PUDP: variants seen among roughly 807,000 people sequenced by gnomAD.
The protein encoded by PUDP is pseudouridine-5'-phosphatase.
PUDP carries 8 observed loss-of-function variants against 9.4 expected under a neutral mutation model. That is an observed-to-expected ratio of 0.85 (90% CI 0.50 to 1.53). The LOEUF is 1.53. Among genes scored for constraint, PUDP ranks in the 40% most tolerant of loss-of-function variants. PUDP has a pLI of 0.00. For missense variants in PUDP, 188 were observed against 189.7 expected (o/e 0.99, Z 0.05); for synonymous variants, 99 against 80.7 (o/e 1.23, Z -1.22).
chrX:6,863,698 TATAGCTTCTATAGGCGAGCTGAAATTGGC>T (rs1927037444), intron 3 of PUDP, among the ~76,000 whole-genome samples: 1 of 112,115 alleles, frequency 8.9e-6, no homozygotes, highest in Non-Finnish European at 1.9e-5. Flanking sequence ...CCAATTTGTG[TATAGCTTCTATAGGCGAGCTGAAATTGGC>T]ATACGGTCTA....
intron 3 of PUDP, among the ~76,000 whole-genome samples, chrX:6,908,086 A>G (rs1485105663): frequency 8.9e-6 from 1 of 112,293 alleles, no homozygotes; most frequent in Non-Finnish European, 1.9e-5. Flanking sequence ...CCACTAAATC[A>G]GGGCCACCCA....
intron 3 of PUDP, among the ~76,000 whole-genome samples, chrX:6,969,411 A>G (rs1168927821): frequency 8.9e-6 from 1 of 112,060 alleles, no homozygotes; most frequent in African/African-American, 3.2e-5. Flanking sequence ...ATGTTCCCAC[A>G]TCAGGCCCTG....
intron 3 of PUDP, among the ~76,000 whole-genome samples, chrX:6,738,030 T>C (rs1924893500): frequency 9.0e-6 from 1 of 111,261 alleles, no homozygotes; most frequent in South Asian, 3.9e-4. Flanking sequence ...ATGAACTGGA[T>C]ATGAAAAAAA....
At chrX:7,031,774 T>C (rs1431112003) in intron 1 of PUDP, among the ~76,000 whole-genome samples, 1 of 112,226 alleles carries the variant, frequency 8.9e-6, no homozygotes, top group African/African-American at 3.2e-5. Context: ...CCTTACCCCA[T>C]ACTCTGCACA....
Position 6,973,518 on chromosome X carries a change from TTGAG to T in PUDP, c.*247+3611_*247+3614del, listed in dbSNP as rs754056198. ...TTAGTTTCCATGTAGTTGTGCAGTT[TTGAG>T]TGAGTTTCTTAATCCTGAGTTGTAA... On this transcript the variant is annotated intron_variant and NMD_transcript_variant, in intron 3 of 3. Coordinates refer to the PUDP transcript ENST00000655425. 4.4e-5 allele frequency among the ~76,000 whole-genome samples: 5 copies of T among 112,406 alleles called. No individual in the cohort carries two copies. In the East Asian group the frequency reaches 1.4e-3, roughly 31 times the overall value.
chrX:6,814,630 G>C (rs1926197980), intron 3 of PUDP, among the ~76,000 whole-genome samples: 1 of 111,446 alleles, frequency 9.0e-6, no homozygotes, highest in Non-Finnish European at 1.9e-5. Context: ...GAGAAAGCTG[G>C]GATAAGAAAA....
intron 3 of PUDP, among the ~76,000 whole-genome samples, chrX:6,850,397 A>G (rs1329507281): frequency 8.9e-6 from 1 of 112,318 alleles, no homozygotes; most frequent in African/African-American, 3.2e-5. Flanking sequence ...GTTCCAGACA[A>G]CGTCCTAGGA....
Position 6,812,311 on chromosome X carries a change from G to C in PUDP, c.*248-105845C>G, listed in dbSNP as rs1478645734. On this transcript the variant is annotated intron_variant and NMD_transcript_variant, in intron 3 of 3. Coordinates refer to the PUDP transcript ENST00000655425. Reference sequence around the variant, plus strand: ...GCAAAACTCATCTTGCAAGGATGATGAATAGGAGTTTTGACAATTCTGTCA... The same window carrying C: ...GCAAAACTCATCTTGCAAGGATGATCAATAGGAGTTTTGACAATTCTGTCA... Among the ~76,000 whole-genome samples the C allele has an allele frequency of 3.6e-5, 4 of 112,043 alleles. No homozygotes were observed. The East Asian group carries it at 1.1e-3, about 32-fold the overall frequency.
chrX:6,999,578 T>C (rs1266990378), intron 1 of PUDP, among the ~76,000 whole-genome samples: 1 of 111,325 alleles, frequency 9.0e-6, no homozygotes, highest in Non-Finnish European at 1.9e-5. Flanking sequence ...TTTTTTCCCA[T>C]ATGCACTAGG....
intron 3 of PUDP, among the ~76,000 whole-genome samples, chrX:6,869,138 GT>G (rs1927134464): frequency 8.9e-6 from 1 of 111,810 alleles, no homozygotes; most frequent in Non-Finnish European, 1.9e-5. Context: ...AATATCTGGA[GT>G]TTACATTCCT....
chrX:6,989,040 G>T (rs1421528665), intron 1 of PUDP, among the ~76,000 whole-genome samples: 1 of 111,334 alleles, frequency 9.0e-6, no homozygotes, highest in Non-Finnish European at 1.9e-5. Context: ...ATATCAACTG[G>T]AATGTCGCTT....
At chrX:6,789,644 T>C (rs754565581) in intron 3 of PUDP, among the ~76,000 whole-genome samples, 1 of 110,008 alleles carries the variant, frequency 9.1e-6, no homozygotes, top group Admixed American at 9.7e-5. Context: ...AGAAAATAGG[T>C]AGGGCAGCAC....
At chrX:6,927,964 CTTT>C (rs34707742) in intron 3 of PUDP, among the ~76,000 whole-genome samples, 10 of 93,724 alleles carry the variant, frequency 1.1e-4, no homozygotes, top group Non-Finnish European at 6.4e-5. Context: ...GTGGTCTTCT[CTTT>C]TTTTTTTTTT....
At chrX:6,909,353 G>A (rs1982536330) in intron 3 of PUDP, among the ~76,000 whole-genome samples, 1 of 111,822 alleles carries the variant, frequency 8.9e-6, no homozygotes, top group Non-Finnish European at 1.9e-5. Context: ...GAGTATGGTA[G>A]CATTCATATG....
chrX:6,902,799 G>A (rs1927710513), intron 3 of PUDP, among the ~76,000 whole-genome samples: 1 of 111,821 alleles, frequency 8.9e-6, no homozygotes, highest in Non-Finnish European at 1.9e-5. Flanking sequence ...TCGCTCTCTG[G>A]AACTTCTAAG....
chrX:6,768,665 A>C (rs1488421106), intron 3 of PUDP, among the ~76,000 whole-genome samples: 2 of 112,339 alleles, frequency 1.8e-5, no homozygotes, highest in African/African-American at 6.5e-5. Flanking sequence ...AAAAATTGTA[A>C]GATCCAGAAT....
intron 2 of PUDP, among the ~76,000 whole-genome samples, chrX:6,706,024 G>A (rs909516753): frequency 1.8e-5 from 2 of 112,294 alleles, no homozygotes; most frequent in Non-Finnish European, 3.8e-5. Flanking sequence ...TGAACCTAGA[G>A]GACATCACAC....
intron 1 of PUDP, among the ~76,000 whole-genome samples, chrX:7,110,597 A>G (rs752336594): frequency 3.0e-4 from 34 of 112,114 alleles, no homozygotes; most frequent in Non-Finnish European, 5.1e-4. Context: ...AGAGACCACC[A>G]AACAGGCTTT....
At chrX:6,751,195 A>G (rs1925075859) in intron 3 of PUDP, among the ~76,000 whole-genome samples, 1 of 111,187 alleles carries the variant, frequency 9.0e-6, no homozygotes, top group Admixed American at 9.6e-5. Context: ...GAAAGAAAGA[A>G]AGAAAGAAAA....
Sources: gnomAD v4.1 joint callset for allele counts (sites outside exome capture counted in the v4.1 genomes callset) on GRCh38, gnomAD v4.1.1 for gene constraint, MANE v1.5 for transcripts, NCBI Gene and HGNC (gene_info 2026-07-23, HGNC 2026-07-21) for gene names.